Variants in FAM186A observed in about 807,000 individuals in gnomAD.
FAM186A encodes the protein protein FAM186A.
A neutral mutation model predicts 216.8 loss-of-function variants in FAM186A; 163 were observed. The ratio of observed to expected loss-of-function variants is 0.75; its 90% CI spans 0.66 to 0.86. The LOEUF (loss-of-function observed/expected upper bound fraction) is 0.86, where lower values mean the gene tolerates loss of function less well. FAM186A is among the 40% of genes least tolerant of loss of function. The pLI is 0.00. For missense variants in FAM186A, 2,184 were observed against 2,746.2 expected (o/e 0.80, Z 4.58); for synonymous variants, 805 against 1,025.3 (o/e 0.79, Z 4.10).
At chr12:50,349,198 A>G (rs1942850909) in intron 4 of FAM186A, among the ~76,000 whole-genome samples, 1 of 145,116 alleles carries the variant, frequency 6.9e-6, no homozygotes, top group Non-Finnish European at 1.5e-5. Flanking sequence ...TTTCTAGCCT[A>G]TGGTAACCAT....
Position 50,354,435 on chromosome 12 carries a change from T to C in FAM186A, c.2397A>G (p.Ile799Met). ...CTGTTGGAATATCTCTTTCACTTTC[T>C]ATTTCAGCCAAGATCATTTGTATTA... ...NNLIQMILAE[I>M]ESERDIPTVS... The change falls in exon 4 of 8, where the codon ATA (isoleucine) becomes ATG (methionine). Residue 799 changes from isoleucine to methionine, a missense_variant. Transcript: ENST00000327337. 1 of 1,551,584 alleles carries C rather than the reference T, an allele frequency of 6.4e-7. No individual in the cohort carries two copies.
chr12:50,330,755 T>G lies in FAM186A; in HGVS notation c.6852A>C (p.Gln2284His). 1 of 1,514,962 alleles carries G rather than the reference T, an allele frequency of 6.6e-7. No individual in the cohort carries two copies. 93.8% of individuals were successfully genotyped at this position (1,514,962 alleles called of 1,614,324 possible). ...AGATGGCCTCTGTCTGGTCCTCTTG[T>G]TGCCTACAGAATCAGCATAAATTGG... ...RTSDICKKFR[Q>H]QEDQTEAIWN... Residue 2284 changes from glutamine to histidine, a missense_variant, in exon 7 of 8, where the codon CAA (glutamine) becomes CAC (histidine). Physicochemically the swap from Gln to His is conservative, Grantham distance 24 (BLOSUM62 0). Transcript: ENST00000327337.
intron 4 of FAM186A, among the ~76,000 whole-genome samples, chr12:50,337,340 G>A (rs11169385): frequency 0.5 from 68,974 of 138,428 alleles, 20,448 homozygotes; most frequent in Non-Finnish European, 0.64. Context: ...TGTCACCCAG[G>A]TTGGAGTGCA....
At chr12:50,373,583 A>C (rs1425114799) in intron 1 of FAM186A, among the ~76,000 whole-genome samples, 4 of 152,286 alleles carry the variant, frequency 2.6e-5, no homozygotes, top group African/African-American at 7.2e-5. Flanking sequence ...GTCACAAAAA[A>C]TGCTTCATAA....
intron 1 of FAM186A, among the ~76,000 whole-genome samples, chr12:50,375,549 C>CA (rs35534756): frequency 0.016 from 1,435 of 90,772 alleles, 20 homozygotes; most frequent in African/African-American, 0.039. Flanking sequence ...AGCTCTGTCT[C>CA]AAAAAAAAAA....
rs761124966 is a variant in FAM186A, at chr12:50,380,806, C to T, written c.192+15487G>A. 4.6e-5 allele frequency among the ~76,000 whole-genome samples: 7 copies of T among 152,270 alleles called. No homozygotes were observed. In the East Asian group the frequency reaches 5.8e-4, roughly 13 times the overall value. On this transcript the variant is annotated intron_variant, in intron 1 of 7. Coordinates refer to ENST00000327337, the MANE Select transcript of FAM186A (RefSeq NM_001145475.3). ...TTGCTCAGGCCCACTGGGCTCCTTT[C>T]GCCCATTCAGCATTGCAGGCTGCAC...
intron 4 of FAM186A, among the ~76,000 whole-genome samples, chr12:50,337,155 A>G (rs1942716577): frequency 6.6e-6 from 1 of 150,866 alleles, no homozygotes; most frequent in South Asian, 2.1e-4. Flanking sequence ...ATTTCCTGAC[A>G]TTTTTCTGTC....
rs1943416140 is a variant in FAM186A at position 50,396,528 on chromosome 12, G to A, written c.-44C>T. On this transcript the variant is annotated 5_prime_UTR_variant, in exon 1 of 8. Transcript: ENST00000327337. ...TTCGTTTTATTTCTTCTTTTTCACAGAATCTACAAAAATGCTAATAAAGAT... is the reference window on the plus strand; with the variant it reads ...TTCGTTTTATTTCTTCTTTTTCACAAAATCTACAAAAATGCTAATAAAGAT... The A allele has an allele frequency of 2.7e-6, 4 of 1,504,506 alleles. No individual in the cohort carries two copies. The highest frequency in any genetic ancestry group is 3.6e-6 in the Non-Finnish European group (4 of 1,121,084). The allele number at this position is 1,504,506 out of a possible 1,614,324, so 93.2% of individuals were successfully genotyped here. A position where few individuals can be genotyped will look rare whatever the true frequency, so the allele number is the denominator to read the frequency against.
intron 7 of FAM186A, 37 bp from the exon 8 acceptor site, chr12:50,327,441 T>C (rs1365364953): frequency 8.5e-6 from 13 of 1,524,778 alleles, no homozygotes; most frequent in Admixed American, 2.0e-5. Context: ...TCATTATAAA[T>C]TGCTTTAAAC....
intron 1 of FAM186A, among the ~76,000 whole-genome samples, chr12:50,391,152 C>T (rs1943353424): frequency 6.6e-6 from 1 of 151,380 alleles, no homozygotes; most frequent in Non-Finnish European, 1.5e-5. Context: ...CCATATCTGG[C>T]TGATTTTTGT....
At chr12:50,349,102 G>T (rs1392517343) in intron 4 of FAM186A, among the ~76,000 whole-genome samples, 1 of 151,944 alleles carries the variant, frequency 6.6e-6, no homozygotes, top group Non-Finnish European at 1.5e-5. Flanking sequence ...TCACCCTGTT[G>T]TGCTTTCAAA....
Position 50,327,321 on chromosome 12 carries a change from A to G in FAM186A, c.*62T>C. ...ATATATACGCATGAAAGAGAACAAA[A>G]TAGGCATTTTACTGAAAGATACTGA... On this transcript the variant is annotated 3_prime_UTR_variant, in exon 8 of 8. Transcript: ENST00000327337. 7.4e-7 allele frequency: 1 copy of G among 1,351,072 alleles called. No homozygotes were observed. Among genetic ancestry groups the G allele is most frequent in the South Asian group, 1.3e-5 (1 of 79,132 alleles). The allele number at this position is 1,351,072 out of a possible 1,614,324, so 83.7% of individuals were successfully genotyped here. A position where few individuals can be genotyped will look rare whatever the true frequency, so the allele number is the denominator to read the frequency against.
chr12:50,365,642 A>C (rs1282505097), intron 1 of FAM186A: 2 of 596,840 alleles, frequency 3.4e-6, no homozygotes, highest in African/African-American at 4.5e-5. Context: ...CCAAAGCCGG[A>C]GTGGCCAAAA....
At chr12:50,329,443 A>G (rs1307260190) in intron 7 of FAM186A, among the ~76,000 whole-genome samples, 1 of 152,158 alleles carries the variant, frequency 6.6e-6, no homozygotes, top group Non-Finnish European at 1.5e-5. Flanking sequence ...CATTTGGTTT[A>G]ATAACTGTTT....
rs1942953069 is a variant in FAM186A, at chr12:50,354,652, T to C, written c.2180A>G (p.Glu727Gly). 6.5e-7 allele frequency: 1 copy of C among 1,548,110 alleles called. No homozygotes were observed. The highest frequency in any genetic ancestry group is 8.7e-7 in the Non-Finnish European group (1 of 1,146,290). The change falls in exon 4 of 8, where the codon GAA (glutamate) becomes GGA (glycine). Residue 727 changes from glutamate (E) to glycine (G), a missense_variant. Glu to Gly is a moderately conservative substitution (Grantham distance 98). This residue lies in a region of FAM186A where 1,132 missense variants were observed against 1,263.4 expected (regional missense o/e 0.90). Transcript: ENST00000327337. ...KMEEYFQKVA[E>G]TVTKILRKYK... ...TTTTCTCAAGATTTTAGTCACAGTT[T>C]CAGCCACTTTTTGGAAATATTCCTC... is the stretch of plus-strand genomic sequence containing the variant.
At chr12:50,331,047 C>A (rs1942651781) in intron 6 of FAM186A, among the ~76,000 whole-genome samples, 1 of 151,974 alleles carries the variant, frequency 6.6e-6, no homozygotes, top group Non-Finnish European at 1.5e-5. Flanking sequence ...CTTCCCAAAG[C>A]TCCTGCCTCC....
rs1280484882 is a variant in FAM186A at position 50,353,863 on chromosome 12, A to C, written c.2969T>G (p.Met990Arg). The part of the protein sequence containing the change: ...RQIKTKDQMQ[M>R]KETQPKELEK... ...TAGCTCTTTAGGTTGTGTTTCCTTC[A>C]TCTGCATCTGATCCTTTGTTTTGAT... is the stretch of plus-strand genomic sequence containing the variant. The change falls in exon 4 of 8, where the codon ATG becomes AGG. Residue 990 changes from methionine to arginine, a missense_variant. Around this residue, in one of 7 missense-constraint regions of FAM186A, gnomAD observed 1,132 missense variants for 1,263.4 expected, o/e 0.90. Coordinates refer to ENST00000327337, the MANE Select transcript of FAM186A (RefSeq NM_001145475.3). 6.4e-7 allele frequency: 1 copy of C among 1,551,468 alleles called. No individual in the cohort carries two copies. The highest frequency in any genetic ancestry group is 1.2e-5 in the South Asian group (1 of 84,044).
chr12:50,345,866 G>GT (rs1350230234), intron 4 of FAM186A, among the ~76,000 whole-genome samples: 1 of 151,870 alleles, frequency 6.6e-6, no homozygotes, highest in Non-Finnish European at 1.5e-5. Context: ...TTTTACAATA[G>GT]TTTTTTCTAA....
Position 50,353,054 on chromosome 12 carries a change from C to T in FAM186A, c.3778G>A (p.Val1260Ile), listed in dbSNP as rs1294995282. 2 of 1,535,302 alleles carry T rather than the reference C, an allele frequency of 1.3e-6. No homozygotes were observed. Among genetic ancestry groups the T allele is most frequent in the African/African-American group, 1.4e-5 (1 of 70,236 alleles). The change falls in exon 4 of 8, where the codon GTT becomes ATT. Residue 1260 changes from valine to isoleucine, a missense_variant. Around this residue, in one of 7 missense-constraint regions of FAM186A, gnomAD observed 267 missense variants for 446.2 expected, o/e 0.60. Transcript: ENST00000327337. Reference sequence around the variant, plus strand: ...GTAAGAGGGATCCCCAGTTCCTGAACCTGCTTAGGGGTGAGAGTGATTCCG... The same window carrying T: ...GTAAGAGGGATCCCCAGTTCCTGAATCTGCTTAGGGGTGAGAGTGATTCCG... Reference protein sequence around the residue: ...ALGITLTPKQVQELGIPLTPQ... With the variant: ...ALGITLTPKQIQELGIPLTPQ...
Sources: allele counts gnomAD v4.1 joint callset (sites outside exome capture counted in the v4.1 genomes callset), GRCh38; gene constraint gnomAD v4.1.1; regional missense constraint gnomAD v4.1.1; transcripts MANE v1.5; gene names NCBI Gene and HGNC (gene_info 2026-07-23, HGNC 2026-07-21).